KCND3: variants seen among roughly 807,000 people sequenced by gnomAD.
The protein encoded by KCND3 is potassium voltage-gated channel subfamily D member 3, also known as A-type voltage-gated potassium channel KCND3.
Under a neutral mutation model 51.1 loss-of-function variants are expected in KCND3, and 9 were observed. The observed-to-expected ratio is 0.18, with a 90% CI of 0.11 to 0.31. The LOEUF is 0.31. Ranked by LOEUF, KCND3 falls within the 10% of genes least tolerant of loss-of-function variation. The pLI, the probability that KCND3 is intolerant of heterozygous loss-of-function variation, is 1.00. For missense variants in KCND3, 526 were observed against 903.8 expected (o/e 0.58, Z 5.36); for synonymous variants, 349 against 368.0 (o/e 0.95, Z 0.59).
intron 2 of KCND3, among the ~76,000 whole-genome samples, chr1:111,858,182 C>A (rs1340377928): frequency 6.6e-6 from 1 of 152,224 alleles, no homozygotes; most frequent in Non-Finnish European, 1.5e-5. Flanking sequence ...CACATGGAAA[C>A]AATCATCCAG....
intron 2 of KCND3, among the ~76,000 whole-genome samples, chr1:111,817,601 C>T (rs1357214089): frequency 6.6e-6 from 1 of 152,180 alleles, no homozygotes; most frequent in East Asian, 1.9e-4. Flanking sequence ...TTTGAGTGAT[C>T]AGACTATGGT....
chr1:111,922,416 C>A (rs1284703007), intron 2 of KCND3, among the ~76,000 whole-genome samples: 1 of 152,218 alleles, frequency 6.6e-6, no homozygotes, highest in African/African-American at 2.4e-5. Flanking sequence ...GATGCACCAG[C>A]AGTTATTCCT....
intron 2 of KCND3, among the ~76,000 whole-genome samples, chr1:111,957,028 G>T (rs965764815): frequency 6.6e-6 from 1 of 152,164 alleles, no homozygotes; most frequent in Non-Finnish European, 1.5e-5. Context: ...CGAGAAGAAG[G>T]GCCTGGGGCC....
intron 2 of KCND3, among the ~76,000 whole-genome samples, chr1:111,925,680 A>G (rs1387535770): frequency 6.6e-6 from 1 of 152,178 alleles, no homozygotes; most frequent in African/African-American, 2.4e-5. Flanking sequence ...ATGGGCAGTT[A>G]GTTATGTACT....
At chr1:111,858,125 A>G (rs1256557038) in intron 2 of KCND3, among the ~76,000 whole-genome samples, 3 of 152,174 alleles carry the variant, frequency 2.0e-5, no homozygotes, top group Non-Finnish European at 4.4e-5. Flanking sequence ...AAGTTAGTGA[A>G]CTGAGAGTCA....
At chr1:111,797,927 TG>T (rs1665127931) in intron 2 of KCND3, among the ~76,000 whole-genome samples, 1 of 152,180 alleles carries the variant, frequency 6.6e-6, no homozygotes, top group Admixed American at 6.5e-5. Flanking sequence ...TGGATGGGGA[TG>T]AAAGTAGAGA....
intron 1 of KCND3, among the ~76,000 whole-genome samples, chr1:111,985,402 T>C (rs574292481): frequency 6.6e-6 from 1 of 152,190 alleles, no homozygotes; most frequent in African/African-American, 2.4e-5. Flanking sequence ...AGTCTCAATG[T>C]GGAGTTCAAG....
intron 2 of KCND3, among the ~76,000 whole-genome samples, chr1:111,863,252 T>G (rs960747882): frequency 4.6e-5 from 7 of 152,174 alleles, no homozygotes; most frequent in Non-Finnish European, 8.8e-5. Flanking sequence ...ACTGACTAAT[T>G]AAAAGTTCAT....
intron 2 of KCND3, among the ~76,000 whole-genome samples, chr1:111,949,573 G>A (rs1171317931): frequency 6.6e-6 from 1 of 152,172 alleles, no homozygotes; most frequent in African/African-American, 2.4e-5. Flanking sequence ...CAGGAAGCAG[G>A]AGTATACTTG....
intron 2 of KCND3, among the ~76,000 whole-genome samples, chr1:111,858,403 A>C (rs1443151243): frequency 6.6e-6 from 1 of 152,170 alleles, no homozygotes; most frequent in African/African-American, 2.4e-5. Context: ...GTGACTTGAC[A>C]TCATGGTTTT....
intron 2 of KCND3, among the ~76,000 whole-genome samples, chr1:111,900,178 A>G (rs563258914): frequency 2.0e-5 from 3 of 152,152 alleles, no homozygotes; most frequent in African/African-American, 7.2e-5. Context: ...CATCTCTCCC[A>G]AGAGACCCCT....
intron 2 of KCND3, among the ~76,000 whole-genome samples, chr1:111,857,696 C>T (rs1668142610): frequency 1.1e-4 from 17 of 150,970 alleles, no homozygotes; most frequent in Admixed American, 1.1e-3. Context: ...GTGGAAGGTC[C>T]TCCCCAGCGC....
At chr1:111,938,165 A>G (rs1430890995) in intron 2 of KCND3, among the ~76,000 whole-genome samples, 1 of 152,208 alleles carries the variant, frequency 6.6e-6, no homozygotes, top group Non-Finnish European at 1.5e-5. Context: ...GGAAATCATC[A>G]AACCCAGCCT....
intron 2 of KCND3, among the ~76,000 whole-genome samples, chr1:111,812,301 G>A (rs1665890375): frequency 6.6e-6 from 1 of 152,210 alleles, no homozygotes; most frequent in Admixed American, 6.5e-5. Context: ...TGTGGCCTCT[G>A]TGTGCCACAC....
chr1:111,892,829 A>T (rs1669893200), intron 2 of KCND3, among the ~76,000 whole-genome samples: 1 of 152,262 alleles, frequency 6.6e-6, no homozygotes, highest in South Asian at 2.1e-4. Flanking sequence ...TGAACAAAAG[A>T]GAAGTAGGAA....
Position 111,918,298 on chromosome 1 carries a change from T to C in KCND3, c.1106+63323A>G, listed in dbSNP as rs550885315. ...AAAAGGAAGACCTGAGCAAACTGTC[T>C]TTTGGGTGAGTGTAGGAGCAGAGCT... On this transcript the variant is annotated intron_variant, in intron 2 of 7. Coordinates refer to ENST00000302127, the MANE Select transcript of KCND3 (RefSeq NM_001378969.1). Among the ~76,000 whole-genome samples the C allele has an allele frequency of 7.2e-5, 11 of 152,332 alleles. No individual in the cohort carries two copies. In the South Asian group the frequency reaches 2.3e-3, roughly 32 times the overall value.
chr1:111,874,450 G>C (rs963243071), intron 2 of KCND3, among the ~76,000 whole-genome samples: 2 of 152,132 alleles, frequency 1.3e-5, no homozygotes, highest in African/African-American at 4.8e-5. Flanking sequence ...GGAGCGTTTT[G>C]TCTGCTCTTT....
chr1:111,938,050 C>T (rs1026967746), intron 2 of KCND3, among the ~76,000 whole-genome samples: 3 of 152,226 alleles, frequency 2.0e-5, no homozygotes, highest in African/African-American at 7.2e-5. Flanking sequence ...CATTTCAGCT[C>T]ACTTCTCCCC....
At chr1:111,866,267 T>TTA (rs556972682) in intron 2 of KCND3, among the ~76,000 whole-genome samples, 9,109 of 61,512 alleles carry the variant, frequency 0.15, 446 homozygotes, top group Non-Finnish European at 0.26. Flanking sequence ...TCTTTTCTTT[T>TTA]TTTTTTTTTT....
Sources: gnomAD v4.1 joint callset for allele counts (sites outside exome capture counted in the v4.1 genomes callset) on GRCh38, gnomAD v4.1.1 for gene constraint, MANE v1.5 for transcripts, NCBI Gene and HGNC (gene_info 2026-07-23, HGNC 2026-07-21) for gene names.